MYC: variants seen among roughly 807,000 people sequenced by gnomAD.
MYC encodes the protein myc proto-oncogene protein.
In MYC, 1 loss-of-function variant was observed where a neutral mutation model predicts 30.5. That is an observed-to-expected ratio of 0.03 (90% CI 0.01 to 0.16). MYC has a LOEUF of 0.16. Ranked by LOEUF, MYC falls within the 10% of genes least tolerant of loss-of-function variation. The pLI is 1.00. For synonymous variants in MYC, 267 were observed against 250.7 expected (o/e 1.07, Z -0.62); for missense variants, 508 against 589.0 (o/e 0.86, Z 1.42).
At chr8:127,735,721 C>A, upstream of MYC, 1 of 399,152 alleles carries the variant, frequency 2.5e-6, no homozygotes. Context: ...TGGAGGGCAG[C>A]TGTTCCGCCT....
Position 127,738,984 on chromosome 8 carries a change from A to T in MYC, c.767A>T (p.His256Leu), listed in dbSNP as rs750374321. The change falls in exon 2 of 3, where the codon CAT becomes CTT. Residue 256 changes from histidine to leucine, a missense_variant. By Grantham distance (99) the His-to-Leu change is moderately conservative (BLOSUM62 -3). This residue lies in a region of MYC where 364 missense variants were observed against 381.1 expected (regional missense o/e 0.96). Transcript: ENST00000621592. The surrounding 1 kb of genome is among the most constrained non-coding windows in gnomAD (Gnocchi z 7.6). ...GGCAGCCCCGAGCCCCTGGTGCTCC[A>T]TGAGGAGACACCGCCCACCACCAGC... 2 of 1,540,016 alleles carry T rather than the reference A, an allele frequency of 1.3e-6. No homozygotes were observed. Among genetic ancestry groups the T allele is most frequent in the African/African-American group, 1.4e-5 (1 of 72,858 alleles).
At chr8:127,737,406 CGCGCCCGAGAT>C (rs911913596) in intron 1 of MYC, among the ~76,000 whole-genome samples, 30 of 152,280 alleles carry the variant, frequency 2.0e-4, no homozygotes, top group African/African-American at 6.7e-4. Context: ...CGGGTGTCCT[CGCGCCCGAGAT>C]GCGGAGGAAC....
At chr8:127,739,040 C>T (rs1813662771) in intron 2 of MYC, 21 bp downstream of exon 2, 13 of 1,475,348 alleles carry the variant, frequency 8.8e-6, no homozygotes, top group Admixed American at 2.5e-5. Context: ...CCCGCCCAGG[C>T]CTGTCAAAAG....
At position 127,738,179 on chromosome 8, in the gene MYC, T is replaced by C. The variant is rs2130091635; in HGVS notation, c.31-69T>C. 1 of 1,498,656 alleles carries C rather than the reference T, an allele frequency of 6.7e-7. No individual in the cohort carries two copies. Among genetic ancestry groups the C allele is most frequent in the Non-Finnish European group, 8.9e-7 (1 of 1,120,844 alleles). 92.8% of individuals were successfully genotyped at this position (1,498,656 alleles called of 1,614,324 possible). A position where few individuals can be genotyped will look rare whatever the true frequency, so the allele number is the denominator to read the frequency against. ...CGGGACTGTGGCGCGCACTGCGCGC[T>C]GCGCCAGGTTTCCGCACCAAGACCC... On this transcript the variant is annotated intron_variant, in intron 1 of 2. Coordinates refer to ENST00000621592, the MANE Select transcript of MYC (RefSeq NM_002467.6). This position sits in a 1 kb window ranked among gnomAD's most constrained non-coding sequence, Gnocchi z 7.6.
At position 127,738,630 on chromosome 8, in the gene MYC, C is replaced by G. The variant is rs773098170; in HGVS notation, c.413C>G (p.Thr138Ser). The change falls in exon 2 of 3, where the codon ACC becomes AGC. Residue 138 changes from threonine to serine, a missense_variant. Coordinates refer to ENST00000621592, the MANE Select transcript of MYC (RefSeq NM_002467.6). The surrounding 1 kb of genome is among the most constrained non-coding windows in gnomAD (Gnocchi z 7.6). ...TTCATCTGCGACCCGGACGACGAGACCTTCATCAAAAACATCATCATCCAG... is the reference window on the plus strand; with the variant it reads ...TTCATCTGCGACCCGGACGACGAGAGCTTCATCAAAAACATCATCATCCAG... 1.4e-5 allele frequency: 22 copies of G among 1,612,868 alleles called. No individual in the cohort carries two copies. The highest frequency in any genetic ancestry group is 2.7e-5 in the African/African-American group (2 of 74,898).
Position 127,738,546 on chromosome 8 carries a change from C to G in MYC, c.329C>G (p.Thr110Arg). Residue 110 changes from threonine (T) to arginine (R), a missense_variant, in exon 2 of 3, where the codon ACG (threonine) becomes AGG (arginine). By Grantham distance (71) the Thr-to-Arg change is moderately conservative (BLOSUM62 -1). This residue lies in a region of MYC where 364 missense variants were observed against 381.1 expected (regional missense o/e 0.96). Coordinates refer to ENST00000621592, the MANE Select transcript of MYC (RefSeq NM_002467.6). The surrounding 1 kb of genome is among the most constrained non-coding windows in gnomAD (Gnocchi z 7.6). The stretch of plus-strand genomic sequence containing the variant: ...GACGGCGGTGGCGGGAGCTTCTCCA[C>G]GGCCGACCAGCTGGAGATGGTGACC... 1 of 1,612,766 alleles carries G rather than the reference C, an allele frequency of 6.2e-7. No homozygotes were observed. Among genetic ancestry groups the G allele is most frequent in the Non-Finnish European group, 8.5e-7 (1 of 1,179,152 alleles).
At position 127,738,452 on chromosome 8, in the gene MYC, A is replaced by T. The variant is rs931443247; in HGVS notation, c.235A>T (p.Ser79Cys). 3 of 1,607,360 alleles carry T rather than the reference A, an allele frequency of 1.9e-6. No individual in the cohort carries two copies. In the African/African-American group the frequency reaches 4.0e-5, roughly 22 times the overall value. ...GCTGCCCACCCCGCCCCTGTCCCCTAGCCGCCGCTCCGGGCTCTGCTCGCC... is the reference window on the plus strand; with the variant it reads ...GCTGCCCACCCCGCCCCTGTCCCCTTGCCGCCGCTCCGGGCTCTGCTCGCC... The change falls in exon 2 of 3, where the codon AGC becomes TGC. Residue 79 changes from serine (S) to cysteine (C), a missense_variant. Physicochemically the swap from Ser to Cys is moderately radical, Grantham distance 112. Around this residue, in one of 5 missense-constraint regions of MYC, gnomAD observed 3 missense variants for 16.7 expected, o/e 0.18. Transcript: ENST00000621592. The surrounding 1 kb of genome is among the most constrained non-coding windows in gnomAD (Gnocchi z 7.6).
chr8:127,742,819 T>C lies in MYC; in HGVS notation c.*1861T>C, dbSNP rs968164535. On this transcript the variant is annotated 3_prime_UTR_variant, in exon 3 of 3. Transcript: ENST00000621592. ...CAAACCAGAAATGATGTTGATTATATAGGTAAATGAAGGATGCTATTGCTG... is the reference window on the plus strand; with the variant it reads ...CAAACCAGAAATGATGTTGATTATACAGGTAAATGAAGGATGCTATTGCTG... Among the ~76,000 whole-genome samples, 1 of 152,208 alleles carries C rather than the reference T, an allele frequency of 6.6e-6. No homozygotes were observed. The highest frequency in any genetic ancestry group is 1.5e-5 in the Non-Finnish European group (1 of 68,046).
chr8:127,738,911 T>C lies in MYC; in HGVS notation c.694T>C (p.Ser232Pro), dbSNP rs1020933770. The C allele has an allele frequency of 6.2e-7, 1 of 1,610,278 alleles. No individual in the cohort carries two copies. The change falls in exon 2 of 3, where the codon TCT (serine) becomes CCT (proline). Residue 232 changes from serine to proline, a missense_variant. By Grantham distance (74) the Ser-to-Pro change is moderately conservative. Coordinates refer to ENST00000621592, the MANE Select transcript of MYC (RefSeq NM_002467.6). This position sits in a 1 kb window ranked among gnomAD's most constrained non-coding sequence, Gnocchi z 7.6. ...CGCCTCGCAAGACTCCAGCGCCTTC[T>C]CTCCGTCCTCGGATTCTCTGCTCTC...
chr8:127,737,025 C>T lies in MYC; in HGVS notation c.30+402C>T, dbSNP rs569723870. On this transcript the variant is annotated intron_variant, in intron 1 of 2. Transcript: ENST00000621592. ...CATCCTGAGCTCCTTGGAGTAGGGA[C>T]CGCATATCGCCTGTGTGAGCCAGAT... is the stretch of plus-strand genomic sequence containing the variant. Among the ~76,000 whole-genome samples the T allele has an allele frequency of 4.9e-4, 74 of 152,364 alleles. No individual in the cohort carries two copies. The South Asian group carries it at 5.4e-3, about 11-fold the overall frequency.
At chr8:127,736,100 C>T, upstream of MYC, 2 of 424,328 alleles carry the variant, frequency 4.7e-6, no homozygotes, top group Non-Finnish European at 8.3e-6. Flanking sequence ...GCGGCCGCCA[C>T]CGCCGGGCCC....
chr8:127,742,797 AC>A lies in MYC; in HGVS notation c.*1841del, dbSNP rs1159906509. On this transcript the variant is annotated 3_prime_UTR_variant, in exon 3 of 3. Coordinates refer to ENST00000621592, the MANE Select transcript of MYC (RefSeq NM_002467.6). ...AAGCCTCTGAAAACCTATGGCCCAAACCAGAAATGATGTTGATTATATAGGT... is the reference window on the plus strand; with the variant it reads ...AAGCCTCTGAAAACCTATGGCCCAAACAGAAATGATGTTGATTATATAGGT... Among the ~76,000 whole-genome samples the A allele has an allele frequency of 1.3e-5, 2 of 152,184 alleles. No homozygotes were observed. The highest frequency in any genetic ancestry group is 2.9e-5 in the Non-Finnish European group (2 of 68,026).
rs1212759760 is a variant in MYC, at chr8:127,742,064, TC to T, written c.*1107del. ...CATTCTGTTCAAAACACTTAACCCT[TC>T]GCTATCATGCCTTGGTTCATCTGGG... On this transcript the variant is annotated 3_prime_UTR_variant, in exon 3 of 3. Coordinates refer to ENST00000621592, the MANE Select transcript of MYC (RefSeq NM_002467.6). 3.9e-5 allele frequency among the ~76,000 whole-genome samples: 6 copies of T among 152,326 alleles called. No homozygotes were observed. Among genetic ancestry groups the T allele is most frequent in the African/African-American group, 1.4e-4 (6 of 41,570 alleles).
chr8:127,736,744 GA>G lies in MYC; in HGVS notation c.30+122del. The G allele has an allele frequency of 3.4e-6, 4 of 1,174,488 alleles. No individual in the cohort carries two copies. In the East Asian group the frequency reaches 1.0e-4, roughly 30 times the overall value. The allele number at this position is 1,174,488 out of a possible 1,614,324, so 72.8% of individuals were successfully genotyped here. On this transcript the variant is annotated intron_variant, in intron 1 of 2. Transcript: ENST00000621592. ...TCCTGCGCTATTGACACTTTTCTCAGAGTAGTTATGGTAACTGGGGCTGGGG... is the reference window on the plus strand; with the variant it reads ...TCCTGCGCTATTGACACTTTTCTCAGGTAGTTATGGTAACTGGGGCTGGGG...
In MYC at chr8:127,740,517, C is replaced by A; in HGVS notation, c.924C>A (p.Ser308Arg). 1 of 1,614,058 alleles carries A rather than the reference C, an allele frequency of 6.2e-7. No individual in the cohort carries two copies. The change falls in exon 3 of 3, where the codon AGC becomes AGA. Residue 308 changes from serine to arginine, a missense_variant. This residue lies in a region of MYC where 364 missense variants were observed against 381.1 expected (regional missense o/e 0.96). Coordinates refer to ENST00000621592, the MANE Select transcript of MYC (RefSeq NM_002467.6). The stretch of plus-strand genomic sequence containing the variant: ...GAGGCCACAGCAAACCTCCTCACAG[C>A]CCACTGGTCCTCAAGAGGTGCCACG...
chr8:127,740,037 C>A (rs1813681920), intron 2 of MYC, among the ~76,000 whole-genome samples: 1 of 150,740 alleles, frequency 6.6e-6, no homozygotes, highest in African/African-American at 2.5e-5. Flanking sequence ...GTGGCGCAAT[C>A]AACCTCCAAC....
In MYC at chr8:127,740,896, T is replaced by A. The variant is rs768305838; in HGVS notation, c.1303T>A (p.Leu435Met). 1 of 1,606,970 alleles carries A rather than the reference T, an allele frequency of 6.2e-7. No individual in the cohort carries two copies. Among genetic ancestry groups the A allele is most frequent in the Non-Finnish European group, 8.5e-7 (1 of 1,177,914 alleles). Residue 435 changes from leucine to methionine, a missense_variant, in exon 3 of 3, where the codon TTG (leucine) becomes ATG (methionine). Leu to Met is a conservative substitution (Grantham distance 15). Around this residue, in one of 5 missense-constraint regions of MYC, gnomAD observed 31 missense variants for 28.3 expected, o/e 1.09. Transcript: ENST00000621592. The stretch of plus-strand genomic sequence containing the variant: ...AAAGCTCATTTCTGAAGAGGACTTG[T>A]TGCGGAAACGACGAGAACAGTTGAA...
At position 127,738,813 on chromosome 8, in the gene MYC, C is replaced by A; in HGVS notation, c.596C>A (p.Ala199Asp). The change falls in exon 2 of 3, where the codon GCC becomes GAC. Residue 199 changes from alanine to aspartate, a missense_variant. By Grantham distance (126) the Ala-to-Asp change is moderately radical. This residue lies in a region of MYC where 364 missense variants were observed against 381.1 expected (regional missense o/e 0.96). Transcript: ENST00000621592. This position sits in a 1 kb window ranked among gnomAD's most constrained non-coding sequence, Gnocchi z 7.6. ...TTGTACCTGCAGGATCTGAGCGCCG[C>A]CGCCTCAGAGTGCATCGACCCCTCG... 2 of 1,609,380 alleles carry A rather than the reference C, an allele frequency of 1.2e-6. No individual in the cohort carries two copies. Among genetic ancestry groups the A allele is most frequent in the Non-Finnish European group, 1.7e-6 (2 of 1,177,532 alleles).
At chr8:127,739,068 T>C in intron 2 of MYC, 49 bp downstream of exon 2, 1 of 1,429,826 alleles carries the variant, frequency 7.0e-7, no homozygotes, top group Non-Finnish European at 9.1e-7. Context: ...CTGGATACCT[T>C]TCCCATTTTC....
Sources: gnomAD v4.1 joint callset for allele counts (sites outside exome capture counted in the v4.1 genomes callset) on GRCh38, gnomAD v4.1.1 for gene constraint, gnomAD v4.1.1 regional missense constraint, Gnocchi (gnomAD v3.1) non-coding constraint, MANE v1.5 for transcripts, NCBI Gene and HGNC (gene_info 2026-07-23, HGNC 2026-07-21) for gene names.